The following BCAS3 variants were observed in gnomAD, a reference collection of about 807,000 sequenced individuals.
BCAS3 encodes the protein BCAS3 microtubule associated cell migration factor, also known as BCAS4/BCAS3 fusion.
In BCAS3, 53 loss-of-function variants were observed where a neutral mutation model predicts 116.1. The observed-to-expected ratio is 0.46, with a 90% CI of 0.37 to 0.57. The LOEUF (loss-of-function observed/expected upper bound fraction) is 0.57, where lower values mean the gene tolerates loss of function less well. Ranked by LOEUF, BCAS3 falls within the 20% of genes least tolerant of loss-of-function variation. BCAS3 has a pLI of 0.00. For synonymous variants in BCAS3, 391 were observed against 408.2 expected (o/e 0.96, Z 0.51); for missense variants, 917 against 1,165.4 (o/e 0.79, Z 3.10).
In BCAS3 at chr17:61,078,085, G is replaced by T. The variant is rs1177770203; in HGVS notation, c.2131-248G>T. Among the ~76,000 whole-genome samples the T allele has an allele frequency of 2.0e-5, 3 of 152,204 alleles. No individual in the cohort carries two copies. In the East Asian group the frequency reaches 5.8e-4, roughly 29 times the overall value. On this transcript the variant is annotated intron_variant, in intron 20 of 23. Transcript: ENST00000407086. Reference sequence around the variant, plus strand: ...ATATGTGTGTGAGGTGTGCATGTGTGTCTGTGTATGTATATGTACACAAAA... The same window carrying T: ...ATATGTGTGTGAGGTGTGCATGTGTTTCTGTGTATGTATATGTACACAAAA...
In BCAS3 at chr17:61,261,701, C is replaced by G. The variant is rs370866902; in HGVS notation, c.2426-106626C>G. Among the ~76,000 whole-genome samples, 2 of 152,168 alleles carry G rather than the reference C, an allele frequency of 1.3e-5. No homozygotes were observed. Among genetic ancestry groups the G allele is most frequent in the African/African-American group, 4.8e-5 (2 of 41,436 alleles). Reference sequence around the variant, plus strand: ...GGTTGAACCTTATTGTTTAAATTAGCTATACCCCAGCCAAAGCTCACAACT... The same window carrying G: ...GGTTGAACCTTATTGTTTAAATTAGGTATACCCCAGCCAAAGCTCACAACT... On this transcript the variant is annotated intron_variant, in intron 22 of 23. Transcript: ENST00000407086. The surrounding 1 kb of genome is among the most constrained non-coding windows in gnomAD (Gnocchi z 4.4).
chr17:61,079,475 G>A (rs2072344132), intron 21 of BCAS3, among the ~76,000 whole-genome samples: 1 of 152,178 alleles, frequency 6.6e-6, no homozygotes. Context: ...GCCAGGAGGT[G>A]CCAGGAGATA....
intron 23 of BCAS3, among the ~76,000 whole-genome samples, chr17:61,385,685 T>C (rs1246144364): frequency 6.6e-6 from 1 of 152,196 alleles, no homozygotes; most frequent in Non-Finnish European, 1.5e-5. Context: ...TCCGCTCCCC[T>C]GGGCCACCCC....
chr17:60,858,794 A>G (rs2053903453), intron 7 of BCAS3, among the ~76,000 whole-genome samples: 1 of 152,158 alleles, frequency 6.6e-6, no homozygotes, highest in Non-Finnish European at 1.5e-5. Flanking sequence ...TATTGGGTGT[A>G]GTGGTATCCA....
At chr17:61,166,475 G>A (rs910585865) in intron 22 of BCAS3, among the ~76,000 whole-genome samples, 10 of 126,424 alleles carry the variant, frequency 7.9e-5, no homozygotes, top group African/African-American at 3.0e-4. Context: ...TCAGCTCACT[G>A]CAACCTGCGT....
chr17:60,685,034 G>A (rs1357345508), intron 3 of BCAS3, among the ~76,000 whole-genome samples: 1 of 152,100 alleles, frequency 6.6e-6, no homozygotes, highest in Non-Finnish European at 1.5e-5. Context: ...GGAATAGAGT[G>A]GAATAAAATC....
intron 18 of BCAS3, 98 bp downstream of exon 18, chr17:61,038,152 G>A (rs2145610313): frequency 1.1e-5 from 12 of 1,053,248 alleles, no homozygotes; most frequent in Admixed American, 5.6e-5. Flanking sequence ...ATACAGCTAC[G>A]AAATCATCAC....
chr17:60,986,038 A>G (rs2063121655), intron 14 of BCAS3, among the ~76,000 whole-genome samples: 1 of 152,178 alleles, frequency 6.6e-6, no homozygotes, highest in Non-Finnish European at 1.5e-5. Flanking sequence ...TGCCTGGCCA[A>G]GTTCCTTGTT....
chr17:61,308,764 A>G (rs765143229), intron 22 of BCAS3, among the ~76,000 whole-genome samples: 2 of 152,148 alleles, frequency 1.3e-5, no homozygotes, highest in Non-Finnish European at 2.9e-5. Context: ...ACACCATACT[A>G]AGTCTGTTTT....
Position 61,200,214 on chromosome 17 carries a change from G to T in BCAS3, c.2425+115650G>T, listed in dbSNP as rs951816851. ...GACTTAGTGATAAAGTTTTTATTCA[G>T]GTCCCAAAGGCAGCTTGCTTGAGAC... On this transcript the variant is annotated intron_variant, in intron 22 of 23. Transcript: ENST00000407086. This position sits in a 1 kb window ranked among gnomAD's most constrained non-coding sequence, Gnocchi z 5.1. Among the ~76,000 whole-genome samples the T allele has an allele frequency of 6.6e-6, 1 of 152,122 alleles. No individual in the cohort carries two copies. Among genetic ancestry groups the T allele is most frequent in the Admixed American group, 6.5e-5 (1 of 15,278 alleles).
At position 60,956,583 on chromosome 17, in the gene BCAS3, A is replaced by G. The variant is rs2061145487; in HGVS notation, c.1221+9231A>G. On this transcript the variant is annotated intron_variant, in intron 14 of 23. Transcript: ENST00000407086. This position sits in a 1 kb window ranked among gnomAD's most constrained non-coding sequence, Gnocchi z 4.2. ...CTATAAGTTCAATATGGAAATAGAA[A>G]TTTTGCTTAAGCTTCTTGGCATCTC... 6.6e-6 allele frequency among the ~76,000 whole-genome samples: 1 copy of G among 152,178 alleles called. No homozygotes were observed.
chr17:60,989,911 C>T (rs1367361894), intron 14 of BCAS3, 60 bp from the exon 15 acceptor site: 2 of 1,548,836 alleles, frequency 1.3e-6, no homozygotes, highest in East Asian at 4.5e-5. Context: ...ATGTGTGATA[C>T]TCTTAGAAAA....
At chr17:60,681,480 A>T (rs1246960128) in intron 2 of BCAS3, among the ~76,000 whole-genome samples, 1 of 150,942 alleles carries the variant, frequency 6.6e-6, no homozygotes, top group Non-Finnish European at 1.5e-5. Context: ...AGCCTGGGGG[A>T]CAAGAGCAAG....
At chr17:61,284,665 CT>C (rs371131514) in intron 22 of BCAS3, among the ~76,000 whole-genome samples, 2,868 of 146,232 alleles carry the variant, frequency 0.02, 83 homozygotes, top group African/African-American at 0.066. Flanking sequence ...TTCCTCTACT[CT>C]TTTTTTTTTT....
In BCAS3 at chr17:61,172,521, T is replaced by C. The variant is rs777755859; in HGVS notation, c.2425+87957T>C. Among the ~76,000 whole-genome samples the C allele has an allele frequency of 4.2e-4, 64 of 151,650 alleles. 1 individual carries two copies. Among genetic ancestry groups the C allele is most frequent in the South Asian group, 1.0e-3 (5 of 4,798 alleles). On this transcript the variant is annotated intron_variant, in intron 22 of 23. Transcript: ENST00000407086. ...GCTTAGTGGCTGGCGCCTGTAGTCC[T>C]AGCTACTCGGGAGGCTGAGGAGGGA...
At chr17:60,872,077 T>C (rs1204482977) in intron 8 of BCAS3, among the ~76,000 whole-genome samples, 1 of 152,056 alleles carries the variant, frequency 6.6e-6, no homozygotes, top group East Asian at 1.9e-4. Flanking sequence ...ATTTCAGCTC[T>C]TTTGTTACTA....
In BCAS3 at chr17:61,136,181, A is replaced by G. The variant is rs1274012814; in HGVS notation, c.2425+51617A>G. On this transcript the variant is annotated intron_variant, in intron 22 of 23. Transcript: ENST00000407086. This position sits in a 1 kb window ranked among gnomAD's most constrained non-coding sequence, Gnocchi z 4.4. ...AATGTTTTCCCGTGCTCTTCCCTCT[A>G]CATAAAATCATTTCTTTCCATCCTG... is the stretch of plus-strand genomic sequence containing the variant. Among the ~76,000 whole-genome samples, 1 of 152,116 alleles carries G rather than the reference A, an allele frequency of 6.6e-6. No individual in the cohort carries two copies. Among genetic ancestry groups the G allele is most frequent in the African/African-American group, 2.4e-5 (1 of 41,402 alleles).
chr17:61,045,903 A>T lies in BCAS3; in HGVS notation c.2029+5011A>T, dbSNP rs12602315. 5.3e-4 allele frequency among the ~76,000 whole-genome samples: 19 copies of T among 35,562 alleles called. 2 individuals carry two copies. The highest frequency in any genetic ancestry group is 4.9e-3 in the African/African-American group (13 of 2,628). The allele number at this position is 35,562 out of a possible 152,430, so 23.3% of individuals were successfully genotyped here. On this transcript the variant is annotated intron_variant, in intron 19 of 23. Coordinates refer to ENST00000407086, the MANE Select transcript of BCAS3 (RefSeq NM_017679.5). ...TATATATTATATATATAATATATAT[A>T]AATATATATTTATATATATAATATA...
At chr17:60,831,144 A>G (rs6503998) in intron 7 of BCAS3, among the ~76,000 whole-genome samples, 51,549 of 151,614 alleles carry the variant, frequency 0.34, 15,609 homozygotes, top group African/African-American at 0.82. Flanking sequence ...GAGCCACTGC[A>G]TCTGGCCAAT....
Sources: gnomAD v4.1 joint callset for allele counts (sites outside exome capture counted in the v4.1 genomes callset) on GRCh38, gnomAD v4.1.1 for gene constraint, Gnocchi (gnomAD v3.1) non-coding constraint, MANE v1.5 for transcripts, NCBI Gene and HGNC (gene_info 2026-07-23, HGNC 2026-07-21) for gene names.